NOX4: variants seen among roughly 807,000 people sequenced by gnomAD.
NOX4 encodes NADPH oxidase 4, also known as kidney oxidase-1.
Under a neutral mutation model 87.6 loss-of-function variants are expected in NOX4, and 69 were observed. The ratio of observed to expected loss-of-function variants is 0.79; its 90% CI spans 0.65 to 0.96. NOX4 has a LOEUF of 0.96. NOX4 is among the 40% of genes least tolerant of loss of function. The probability of loss-of-function intolerance (pLI) is 0.00; values close to 1 mark genes in which losing one functional copy is unlikely to be tolerated. For missense variants in NOX4, 680 were observed against 681.5 expected, an observed-to-expected ratio of 1.00 and a Z score of 0.02; for synonymous variants, 275 against 238.2, an observed-to-expected ratio of 1.15 and a Z score of -1.42.
the NOX4 span, among the ~76,000 whole-genome samples, chr11:89,525,558 G>A: frequency 6.6e-6 from 1 of 151,798 alleles, no homozygotes; most frequent in Admixed American, 6.6e-5. Context: ...GCTCATTTTT[G>A]TTTTGGGTTG....
At chr11:89,503,104 A>G (rs901098620), upstream of NOX4, among the ~76,000 whole-genome samples, 1 of 152,024 alleles carries the variant, frequency 6.6e-6, no homozygotes. Flanking sequence ...TTGGAAGAAC[A>G]ACAGTAGAGT....
chr11:89,332,677 G>A (rs1945526012), intron 17 of NOX4, among the ~76,000 whole-genome samples: 1 of 151,820 alleles, frequency 6.6e-6, no homozygotes, highest in East Asian at 1.9e-4. Flanking sequence ...AAATAAGATT[G>A]CCACTCTTTA....
intron 17 of NOX4, among the ~76,000 whole-genome samples, chr11:89,329,460 G>A (rs181274389): frequency 5.5e-4 from 61 of 111,392 alleles, no homozygotes; most frequent in African/African-American, 2.0e-3. Context: ...TCCAACATGA[G>A]AGAAGACCAA....
intron 2 of NOX4, among the ~76,000 whole-genome samples, chr11:89,483,692 A>G (rs1264062973): frequency 6.6e-6 from 1 of 152,102 alleles, no homozygotes; most frequent in Non-Finnish European, 1.5e-5. Context: ...CTATTGTACA[A>G]CATGGTGACT....
the NOX4 span, among the ~76,000 whole-genome samples, chr11:89,565,390 T>A: frequency 6.6e-6 from 1 of 152,178 alleles, no homozygotes; most frequent in Admixed American, 6.5e-5. Flanking sequence ...AGATAACTCA[T>A]CTGTACATTC....
chr11:89,442,239 C>A (rs913397024), intron 5 of NOX4, among the ~76,000 whole-genome samples: 13 of 151,286 alleles, frequency 8.6e-5, no homozygotes, highest in African/African-American at 3.2e-4. Flanking sequence ...CATTTTCATC[C>A]CTTAGATTGG....
At chr11:89,409,627 A>G (rs1942369607) in intron 8 of NOX4, among the ~76,000 whole-genome samples, 1 of 152,186 alleles carries the variant, frequency 6.6e-6, no homozygotes. Context: ...ATCTTAGTCC[A>G]TAATTACTAT....
chr11:89,577,826 A>G, the NOX4 span, among the ~76,000 whole-genome samples: 4 of 152,158 alleles, frequency 2.6e-5, no homozygotes, highest in East Asian at 7.7e-4. Flanking sequence ...ATATTAATAA[A>G]GTATATAAAA....
the NOX4 span, among the ~76,000 whole-genome samples, chr11:89,531,561 G>A: frequency 1.3e-5 from 2 of 152,148 alleles, no homozygotes; most frequent in South Asian, 4.1e-4. Context: ...TCAAGGGAGG[G>A]TCCTGGTGAG....
chr11:89,358,267 T>G (rs1345789786), intron 12 of NOX4, among the ~76,000 whole-genome samples: 1 of 151,052 alleles, frequency 6.6e-6, no homozygotes, highest in African/African-American at 2.4e-5. Flanking sequence ...GTGCCTGTAA[T>G]CCCAGCTACT....
At chr11:89,465,793 T>C (rs1945665594) in intron 2 of NOX4, among the ~76,000 whole-genome samples, 1 of 151,942 alleles carries the variant, frequency 6.6e-6, no homozygotes. Context: ...AAGAAGTGTC[T>C]GTTCATATCC....
At chr11:89,439,281 C>T (rs1591258120) in intron 6 of NOX4, among the ~76,000 whole-genome samples, 1 of 151,576 alleles carries the variant, frequency 6.6e-6, no homozygotes, top group South Asian at 2.1e-4. Flanking sequence ...GTAAAGTTTT[C>T]TTTTTCTGTA....
At position 89,331,587 on chromosome 11, in the gene NOX4, C is replaced by T. The variant is rs2135364808; in HGVS notation, c.1616+4258G>A. Among the ~76,000 whole-genome samples, 3 of 151,960 alleles carry T rather than the reference C, an allele frequency of 2.0e-5. No homozygotes were observed. The South Asian group carries it at 6.2e-4, about 31-fold the overall frequency. ...CATTTTATTTCTTTGTATAAACTTT[C>T]TGTCAACGCCATATGATGGCAATAA... On this transcript the variant is annotated intron_variant, in intron 17 of 17. Coordinates refer to ENST00000263317, the MANE Select transcript of NOX4 (RefSeq NM_016931.5).
intron 2 of NOX4, among the ~76,000 whole-genome samples, chr11:89,465,863 A>G (rs1945671411): frequency 1.3e-5 from 2 of 151,338 alleles, no homozygotes; most frequent in South Asian, 4.2e-4. Context: ...TTCTTTGTAG[A>G]TTCTGGATAT....
chr11:89,505,307 T>A, the NOX4 span, among the ~76,000 whole-genome samples: 1 of 151,958 alleles, frequency 6.6e-6, no homozygotes, highest in Non-Finnish European at 1.5e-5. Context: ...TCACTGTCTA[T>A]GAGGAGATCA....
intron 11 of NOX4, among the ~76,000 whole-genome samples, chr11:89,381,988 C>T (rs2135097973): frequency 6.6e-6 from 1 of 152,290 alleles, no homozygotes; most frequent in South Asian, 2.1e-4. Flanking sequence ...AAAACTCCGG[C>T]ACCAGTCACG....
intron 8 of NOX4, among the ~76,000 whole-genome samples, chr11:89,412,848 G>A (rs1267394933): frequency 2.0e-5 from 3 of 151,932 alleles, no homozygotes; most frequent in Non-Finnish European, 4.4e-5. Context: ...TCAAATTAAA[G>A]AGCTTCTGCA....
chr11:89,454,750 G>C (rs543304072), intron 2 of NOX4, among the ~76,000 whole-genome samples: 4 of 152,128 alleles, frequency 2.6e-5, no homozygotes, highest in Admixed American at 6.5e-5. Context: ...CAACTAACAG[G>C]TTTACCATCT....
At chr11:89,352,340 T>C (rs1231637862) in intron 13 of NOX4, among the ~76,000 whole-genome samples, 1 of 152,270 alleles carries the variant, frequency 6.6e-6, no homozygotes, top group South Asian at 2.1e-4. Context: ...TACAAGGAGA[T>C]GAATGTTGTT....
Sources: allele counts gnomAD v4.1 joint callset (sites outside exome capture counted in the v4.1 genomes callset), GRCh38; gene constraint gnomAD v4.1.1; transcripts MANE v1.5; gene names NCBI Gene and HGNC (gene_info 2026-07-23, HGNC 2026-07-21).